FOXJ3: variants seen among roughly 807,000 people sequenced by gnomAD.
FOXJ3 encodes forkhead box J3, also known as forkhead box protein J3.
In FOXJ3, 22 loss-of-function variants were observed where a neutral mutation model predicts 76.1. The observed-to-expected ratio is 0.29, with a 90% CI of 0.21 to 0.41. The LOEUF (loss-of-function observed/expected upper bound fraction) is 0.41. FOXJ3 is among the 10% of genes least tolerant of loss of function. The probability of loss-of-function intolerance (pLI) is 1.00; values close to 1 mark genes in which losing one functional copy is unlikely to be tolerated. For missense variants in FOXJ3, 613 were observed against 762.1 expected, an observed-to-expected ratio of 0.80 and a Z score of 2.30; for synonymous variants, 269 against 261.2, an observed-to-expected ratio of 1.03 and a Z score of -0.29.
At chr1:42,221,369 T>TG (rs1418824461) in intron 5 of FOXJ3, among the ~76,000 whole-genome samples, 1 of 152,068 alleles carries the variant, frequency 6.6e-6, no homozygotes, top group Non-Finnish European at 1.5e-5. Flanking sequence ...AAAAGGGGGT[T>TG]GGGGGGATCA....
intron 1 of FOXJ3, among the ~76,000 whole-genome samples, chr1:42,325,009 C>G (rs1194766210): frequency 6.6e-6 from 1 of 152,120 alleles, no homozygotes; most frequent in East Asian, 1.9e-4. Flanking sequence ...ATGGGACCAC[C>G]ACTGTATATA....
At chr1:42,283,914 G>T (rs1472832194) in intron 2 of FOXJ3, among the ~76,000 whole-genome samples, 2 of 152,178 alleles carry the variant, frequency 1.3e-5, no homozygotes, top group African/African-American at 4.8e-5. Flanking sequence ...CTTTTGCCCT[G>T]CCTGCCCTCT....
intron 3 of FOXJ3, among the ~76,000 whole-genome samples, chr1:42,277,012 A>T (rs550507401): frequency 3.0e-4 from 45 of 152,202 alleles, no homozygotes; most frequent in Non-Finnish European, 5.9e-4. Flanking sequence ...TGCTCAGTCA[A>T]TTTCTTAGTT....
At chr1:42,251,868 G>A (rs1449081157) in intron 4 of FOXJ3, among the ~76,000 whole-genome samples, 4 of 151,724 alleles carry the variant, frequency 2.6e-5, no homozygotes, top group South Asian at 2.1e-4. Context: ...ACAGGCGCGC[G>A]CCACCATGCC....
At chr1:42,303,276 T>C (rs924019942) in intron 2 of FOXJ3, among the ~76,000 whole-genome samples, 1 of 152,196 alleles carries the variant, frequency 6.6e-6, no homozygotes, top group Non-Finnish European at 1.5e-5. Flanking sequence ...GTTTCCTCAC[T>C]TGTGAAGTAA....
chr1:42,254,732 C>T (rs1020245766), intron 4 of FOXJ3, among the ~76,000 whole-genome samples: 3 of 148,168 alleles, frequency 2.0e-5, no homozygotes, highest in Non-Finnish European at 3.0e-5. Context: ...CCAAACACCG[C>T]ATGTTCTCAC....
chr1:42,332,694 C>T (rs554095596), intron 1 of FOXJ3, among the ~76,000 whole-genome samples: 1 of 152,268 alleles, frequency 6.6e-6, no homozygotes, highest in East Asian at 1.9e-4. Context: ...ATCAATACCC[C>T]CTCACCAATC....
At chr1:42,242,546 T>C (rs1649225020) in intron 4 of FOXJ3, among the ~76,000 whole-genome samples, 1 of 146,656 alleles carries the variant, frequency 6.8e-6, no homozygotes, top group Admixed American at 7.1e-5. Context: ...GAGAGATCTT[T>C]AGAAATAACT....
chr1:42,199,212 C>G lies in FOXJ3; in HGVS notation c.649G>C (p.Asp217His). The change falls in exon 7 of 13, where the codon GAT (aspartate) becomes CAT (histidine). Residue 217 changes from aspartate (D) to histidine (H), a missense_variant. Physicochemically the swap from Asp to His is moderately conservative, Grantham distance 81. This residue lies in a region of FOXJ3 where 526 missense variants were observed against 601.4 expected (regional missense o/e 0.87). Transcript: ENST00000361346. ...CGTGGGCTATCACTACCATCCTGAT[C>G]AGTGTTATACAATGTTACCTAAAAT... The part of the protein sequence containing the change: ...VTNKVTLYNT[D>H]QDGSDSPRSS... 1.2e-6 allele frequency: 2 copies of G among 1,612,318 alleles called. No homozygotes were observed. The highest frequency in any genetic ancestry group is 1.7e-6 in the Non-Finnish European group (2 of 1,178,602).
chr1:42,260,430 G>C (rs1370834568), intron 4 of FOXJ3, among the ~76,000 whole-genome samples: 1 of 152,120 alleles, frequency 6.6e-6, no homozygotes, highest in Non-Finnish European at 1.5e-5. Context: ...GTGAGACGTG[G>C]TGGCTCACAC....
Position 42,191,600 on chromosome 1 carries a change from T to C in FOXJ3, c.1054A>G (p.Ser352Gly). ...GTGGTGTTGAGGCCACTGCCATGAC[T>C]GTTGGACAGGCTGCTTTGGTTGCTG... ...PHSNQSSLSN[S>G]HGSGLNTTGS... The change falls in exon 9 of 13, where the codon AGT (serine) becomes GGT (glycine). Residue 352 changes from serine (S) to glycine (G), a missense_variant. Transcript: ENST00000361346. 1.9e-6 allele frequency: 3 copies of C among 1,614,182 alleles called. No individual in the cohort carries two copies. Among genetic ancestry groups the C allele is most frequent in the Non-Finnish European group, 2.5e-6 (3 of 1,180,032 alleles).
chr1:42,317,637 C>A (rs1035096455), intron 1 of FOXJ3, among the ~76,000 whole-genome samples: 8 of 150,454 alleles, frequency 5.3e-5, no homozygotes, highest in African/African-American at 2.0e-4. Flanking sequence ...AAAGAGAATA[C>A]TGGCTTTTAA....
At chr1:42,299,726 G>A (rs1654015155) in intron 2 of FOXJ3, among the ~76,000 whole-genome samples, 1 of 152,036 alleles carries the variant, frequency 6.6e-6, no homozygotes, top group African/African-American at 2.4e-5. Flanking sequence ...GGCCAACATG[G>A]CAAAACCTCA....
intron 3 of FOXJ3, among the ~76,000 whole-genome samples, chr1:42,269,916 AGCCCT>A (rs1398492617): frequency 2.6e-5 from 4 of 152,128 alleles, no homozygotes; most frequent in Non-Finnish European, 5.9e-5. Context: ...CCTTCCTCTC[AGCCCT>A]GCTTCCATCA....
At chr1:42,206,139 T>C in intron 5 of FOXJ3, 1 of 346,668 alleles carries the variant, frequency 2.9e-6, no homozygotes, top group Non-Finnish European at 5.2e-6. Flanking sequence ...TGAAAATTGC[T>C]AATGATCCCC....
chr1:42,198,902 T>C lies in FOXJ3; in HGVS notation c.759+200A>G, dbSNP rs74720679. Among the ~76,000 whole-genome samples, 1,089 of 152,290 alleles carry C rather than the reference T, an allele frequency of 7.2e-3. 22 individuals carry two copies. Among genetic ancestry groups the C allele is most frequent in the African/African-American group, 0.025 (1,051 of 41,530 alleles). On this transcript the variant is annotated intron_variant, in intron 7 of 12. Transcript: ENST00000361346. The stretch of plus-strand genomic sequence containing the variant: ...AAATCTGTTAACACTGCACAACCAT[T>C]TTTTAAAAATCTAATATGGTACCAA...
At chr1:42,184,577 G>A (rs760655138) in intron 11 of FOXJ3, among the ~76,000 whole-genome samples, 4 of 151,992 alleles carry the variant, frequency 2.6e-5, no homozygotes, top group Admixed American at 6.6e-5. Flanking sequence ...GGCACTGCTC[G>A]AGGCACTATG....
intron 6 of FOXJ3, 37 bp downstream of exon 6, chr1:42,205,725 A>C (rs1156401491): frequency 8.9e-7 from 1 of 1,118,276 alleles, no homozygotes; most frequent in East Asian, 2.3e-5. Flanking sequence ...TGTACTACTC[A>C]ATGACATTTC....
At chr1:42,270,010 T>C (rs1170584517) in intron 3 of FOXJ3, among the ~76,000 whole-genome samples, 3 of 152,164 alleles carry the variant, frequency 2.0e-5, no homozygotes, top group Admixed American at 6.5e-5. Flanking sequence ...CCAGTGCACT[T>C]AGGACAAAAT....
Sources: allele counts gnomAD v4.1 joint callset (sites outside exome capture counted in the v4.1 genomes callset), GRCh38; gene constraint gnomAD v4.1.1; regional missense constraint gnomAD v4.1.1; transcripts MANE v1.5; gene names NCBI Gene and HGNC (gene_info 2026-07-23, HGNC 2026-07-21).